SPMIP2: variants seen among roughly 807,000 people sequenced by gnomAD.
The protein encoded by SPMIP2 is sperm microtubule inner protein 2.
the SPMIP2 span, among the ~76,000 whole-genome samples, chr4:158,976,888 T>C: frequency 2.3e-3 from 345 of 152,078 alleles, 1 homozygote; most frequent in Non-Finnish European, 4.4e-3. Context: ...TCTCAATCTC[T>C]TGACCTTGTG....
At chr4:158,987,745 A>G in the SPMIP2 span, among the ~76,000 whole-genome samples, 2 of 152,060 alleles carry the variant, frequency 1.3e-5, no homozygotes, top group Non-Finnish European at 2.9e-5. Context: ...TAACCTGCAC[A>G]TTGTGCACAT....
At chr4:158,948,301 GA>G in the SPMIP2 span, among the ~76,000 whole-genome samples, 55 of 151,842 alleles carry the variant, frequency 3.6e-4, no homozygotes, top group Middle Eastern at 0.01. Context: ...CTCTTGGGGG[GA>G]AAAAAAGCTT....
At chr4:158,996,552 T>A in the SPMIP2 span, among the ~76,000 whole-genome samples, 8 of 152,172 alleles carry the variant, frequency 5.3e-5, no homozygotes, top group Admixed American at 3.9e-4. Flanking sequence ...GCAAAATTGA[T>A]TAAACAATTA....
At chr4:158,908,254 G>A in the SPMIP2 span, among the ~76,000 whole-genome samples, 1 of 152,096 alleles carries the variant, frequency 6.6e-6, no homozygotes, top group South Asian at 2.1e-4. Flanking sequence ...GATGATAGGC[G>A]AGAGGTCCTG....
chr4:159,026,222 T>A, the SPMIP2 span: 9 of 483,282 alleles, frequency 1.9e-5, no homozygotes, highest in Non-Finnish European at 3.6e-5. Context: ...TTGTGAAAAA[T>A]GGGCACAATG....
the SPMIP2 span, among the ~76,000 whole-genome samples, chr4:158,992,368 T>C: frequency 2.0e-5 from 3 of 152,348 alleles, no homozygotes; most frequent in East Asian, 1.9e-4. Context: ...ATAAGACTTA[T>C]GGTAAATAAA....
chr4:158,999,214 T>C, the SPMIP2 span, among the ~76,000 whole-genome samples: 20 of 151,356 alleles, frequency 1.3e-4, no homozygotes, highest in Non-Finnish European at 2.4e-4. Flanking sequence ...ACCCATTGAC[T>C]TAATAGTAGT....
the SPMIP2 span, among the ~76,000 whole-genome samples, chr4:159,067,140 G>T: frequency 1.3e-5 from 2 of 152,030 alleles, no homozygotes; most frequent in East Asian, 3.8e-4. Context: ...ATAACAGAAC[G>T]ACTGGATAGG....
the SPMIP2 span, among the ~76,000 whole-genome samples, chr4:158,896,636 T>C: frequency 6.6e-5 from 10 of 152,204 alleles, no homozygotes; most frequent in African/African-American, 2.4e-4. Context: ...TTCTCATCTT[T>C]CACACCCAGA....
At chr4:159,020,774 G>A in the SPMIP2 span, among the ~76,000 whole-genome samples, 1 of 152,044 alleles carries the variant, frequency 6.6e-6, no homozygotes, top group African/African-American at 2.4e-5. Flanking sequence ...TGTTGTTTTT[G>A]TTGTTGAGAC....
At chr4:158,918,111 AGT>A in the SPMIP2 span, among the ~76,000 whole-genome samples, 2 of 152,168 alleles carry the variant, frequency 1.3e-5, no homozygotes, top group African/African-American at 4.8e-5. Context: ...AAAGGCCCGG[AGT>A]GTATCTCATT....
chr4:159,072,636 T>C, the SPMIP2 span, among the ~76,000 whole-genome samples: 6 of 151,890 alleles, frequency 4.0e-5, 1 homozygote, highest in South Asian at 6.2e-4. Flanking sequence ...ATAATTTTTG[T>C]GTTTTTTGTA....
the SPMIP2 span, among the ~76,000 whole-genome samples, chr4:159,067,902 T>C: frequency 6.6e-6 from 1 of 151,976 alleles, no homozygotes; most frequent in African/African-American, 2.4e-5. Context: ...AAAAAACACA[T>C]GAAAAAAATG....
chr4:159,061,814 T>TCA, the SPMIP2 span, among the ~76,000 whole-genome samples: 1 of 138,992 alleles, frequency 7.2e-6, no homozygotes, highest in Non-Finnish European at 1.5e-5. Context: ...CAGTCTCAAT[T>TCA]AAAAAAAAAA....
the SPMIP2 span, among the ~76,000 whole-genome samples, chr4:158,924,494 C>T: frequency 6.6e-6 from 1 of 152,184 alleles, no homozygotes; most frequent in East Asian, 1.9e-4. Flanking sequence ...ATTCTCCTGC[C>T]TCAGCCTCCC....
the SPMIP2 span, among the ~76,000 whole-genome samples, chr4:158,946,542 C>T: frequency 6.6e-6 from 1 of 152,158 alleles, no homozygotes; most frequent in Admixed American, 6.5e-5. Flanking sequence ...CCTTCTGCCA[C>T]CATGTAAGGT....
the SPMIP2 span, among the ~76,000 whole-genome samples, chr4:159,015,483 A>C: frequency 6.6e-6 from 1 of 152,254 alleles, no homozygotes; most frequent in Non-Finnish European, 1.5e-5. Flanking sequence ...TTAATTCAAT[A>C]TAACTTCCTC....
chr4:158,983,034 T>G, the SPMIP2 span, among the ~76,000 whole-genome samples: 1 of 152,138 alleles, frequency 6.6e-6, no homozygotes. Context: ...CAGGAGCCGA[T>G]GCGATCAACT....
chr4:159,015,514 A>G, the SPMIP2 span, among the ~76,000 whole-genome samples: 1 of 152,260 alleles, frequency 6.6e-6, no homozygotes, highest in East Asian at 1.9e-4. Context: ...AGCAAAAACA[A>G]GAAATGCTGG....
Sources: allele counts gnomAD v4.1 joint callset (sites outside exome capture counted in the v4.1 genomes callset), GRCh38; gene constraint gnomAD v4.1.1; transcripts MANE v1.5; gene names NCBI Gene and HGNC (gene_info 2026-07-23, HGNC 2026-07-21).